Variants in ITGAV observed in about 807,000 individuals in gnomAD.
The protein encoded by ITGAV is integrin subunit alpha V.
Under a neutral mutation model 143.8 loss-of-function variants are expected in ITGAV, and 76 were observed. The ratio of observed to expected loss-of-function variants is 0.53; its 90% CI spans 0.44 to 0.64. The LOEUF (loss-of-function observed/expected upper bound fraction) is 0.64. ITGAV is among the 30% of genes least tolerant of loss of function. The pLI, the probability that ITGAV is intolerant of heterozygous loss-of-function variation, is 0.00. For missense variants in ITGAV, 1,193 were observed against 1,274.7 expected (o/e 0.94, Z 0.98); for synonymous variants, 453 against 446.7 (o/e 1.01, Z -0.18).
At chr2:186,654,068 G>C (rs1367947361) in intron 15 of ITGAV, among the ~76,000 whole-genome samples, 4 of 151,988 alleles carry the variant, frequency 2.6e-5, no homozygotes, top group African/African-American at 7.2e-5. Flanking sequence ...AGGCACAGTG[G>C]CTCACTGTAA....
At chr2:186,633,130 CTT>C (rs370673058) in intron 5 of ITGAV, among the ~76,000 whole-genome samples, 197 bp from the exon 6 acceptor site, 49 of 145,390 alleles carry the variant, frequency 3.4e-4, no homozygotes, top group African/African-American at 1.2e-3. Context: ...TAAGGGAAGA[CTT>C]TGTCTCTACA....
At position 186,675,807 on chromosome 2, in the gene ITGAV, T is replaced by G. The variant is rs1271096406; in HGVS notation, c.2821-13T>G. ...GATATCTGGGAAATCATCTAATTGT[T>G]ATTTCCAAACAGAAAGAAAATCAGA... On this transcript the variant is annotated splice_polypyrimidine_tract_variant and intron_variant, in intron 27 of 29. Coordinates refer to ENST00000261023, the MANE Select transcript of ITGAV (RefSeq NM_002210.5). 2 of 1,570,266 alleles carry G rather than the reference T, an allele frequency of 1.3e-6. No individual in the cohort carries two copies. The highest frequency in any genetic ancestry group is 2.3e-5 in the South Asian group (2 of 88,814).
intron 10 of ITGAV, among the ~76,000 whole-genome samples, chr2:186,639,249 T>C (rs1047618630): frequency 1.3e-5 from 2 of 152,192 alleles, no homozygotes. Flanking sequence ...TGAATAAACA[T>C]TTAAACAGTA....
chr2:186,638,702 A>G (rs892372492), intron 10 of ITGAV, among the ~76,000 whole-genome samples: 5 of 146,716 alleles, frequency 3.4e-5, no homozygotes, highest in Non-Finnish European at 6.0e-5. Context: ...TTTACTCTGT[A>G]TTTTTCATTT....
chr2:186,660,763 C>A (rs1688723619), intron 18 of ITGAV, among the ~76,000 whole-genome samples: 1 of 152,102 alleles, frequency 6.6e-6, no homozygotes, highest in Non-Finnish European at 1.5e-5. Context: ...GCTTAAACAA[C>A]AGAAATTGAT....
At chr2:186,595,101 CTG>C (rs1208434004) in intron 1 of ITGAV, among the ~76,000 whole-genome samples, 18 of 152,142 alleles carry the variant, frequency 1.2e-4, no homozygotes, top group Non-Finnish European at 1.5e-4. Flanking sequence ...AAATCTGAAA[CTG>C]GAATTGTAGC....
chr2:186,659,748 A>AT (rs1296012288), intron 18 of ITGAV, among the ~76,000 whole-genome samples: 32 of 134,622 alleles, frequency 2.4e-4, no homozygotes, highest in Admixed American at 8.8e-4. Flanking sequence ...TTAGTTTATC[A>AT]TTTTTTTTTT....
At position 186,616,604 on chromosome 2, in the gene ITGAV, G is replaced by A. The variant is rs114971116; in HGVS notation, c.317-5735G>A. 9.4e-3 allele frequency among the ~76,000 whole-genome samples: 1,427 copies of A among 152,152 alleles called. 22 individuals are homozygous for A. The highest frequency in any genetic ancestry group is 0.032 in the African/African-American group (1,349 of 41,544). On this transcript the variant is annotated intron_variant, in intron 2 of 29. Coordinates refer to ENST00000261023, the MANE Select transcript of ITGAV (RefSeq NM_002210.5). Reference sequence around the variant, plus strand: ...ATATACCTTATTTCAAAATAGCATTGGGTTACAAATAAATGCATGATAACA... The same window carrying A: ...ATATACCTTATTTCAAAATAGCATTAGGTTACAAATAAATGCATGATAACA...
chr2:186,639,433 CTGCAGTTGACAGGCAGTTAGGGT>C (rs968763090), intron 10 of ITGAV, among the ~76,000 whole-genome samples: 6 of 152,134 alleles, frequency 3.9e-5, no homozygotes, highest in Non-Finnish European at 5.9e-5. Context: ...CTGGAGGGCC[CTGCAGTTGACAGGCAGTTAGGGT>C]TGCTGCAGGG....
chr2:186,676,197 C>T (rs1056332380), intron 28 of ITGAV: 17 of 271,928 alleles, frequency 6.3e-5, no homozygotes, highest in Non-Finnish European at 6.8e-6. Flanking sequence ...TAGGAATTTT[C>T]GTTTACAAAG....
rs2105706977 is a variant in ITGAV, at chr2:186,638,334, A to G, written c.846+14A>G. 1 of 1,612,948 alleles carries G rather than the reference A, an allele frequency of 6.2e-7. No homozygotes were observed. ...ACTTTGGGAATGGTAGGACAGTTAA[A>G]AGGTATTTTTTAAAAAATCTCTAAG... On this transcript the variant is annotated intron_variant, in intron 9 of 29. Coordinates refer to ENST00000261023, the MANE Select transcript of ITGAV (RefSeq NM_002210.5).
At chr2:186,662,683 G>A (rs756085877) in intron 18 of ITGAV, among the ~76,000 whole-genome samples, 4 of 152,096 alleles carry the variant, frequency 2.6e-5, no homozygotes, top group Non-Finnish European at 5.9e-5. Flanking sequence ...ATACATTCTG[G>A]ATTTTGAAGA....
intron 12 of ITGAV, among the ~76,000 whole-genome samples, chr2:186,646,145 C>T (rs1688250708): frequency 6.6e-6 from 1 of 152,202 alleles, no homozygotes; most frequent in South Asian, 2.1e-4. Context: ...AAATGTTATT[C>T]ATTTATCTTC....
intron 2 of ITGAV, among the ~76,000 whole-genome samples, chr2:186,611,587 C>T (rs1444482659): frequency 6.6e-6 from 1 of 152,154 alleles, no homozygotes; most frequent in South Asian, 2.1e-4. Flanking sequence ...ATTGCTGTCT[C>T]TCTTGTTCTT....
At chr2:186,665,386 A>G (rs1211923079) in intron 21 of ITGAV, among the ~76,000 whole-genome samples, 168 bp downstream of exon 21, 1 of 152,232 alleles carries the variant, frequency 6.6e-6, no homozygotes, top group African/African-American at 2.4e-5. Context: ...TTTAACTAAG[A>G]TACGAAAACA....
intron 11 of ITGAV, 127 bp downstream of exon 11, chr2:186,641,094 A>G (rs1050217889): frequency 2.8e-5 from 22 of 780,030 alleles, no homozygotes; most frequent in Admixed American, 2.5e-4. Flanking sequence ...TTAAGGAAAC[A>G]ATTTGAAGCA....
chr2:186,600,186 C>A, intron 1 of ITGAV: 1 of 679,968 alleles, frequency 1.5e-6, no homozygotes, highest in Non-Finnish European at 2.5e-6. Flanking sequence ...GGCTTGTCCC[C>A]TCCTTCAGCC....
At chr2:186,664,026 G>C (rs1688820890) in intron 19 of ITGAV, among the ~76,000 whole-genome samples, 191 bp downstream of exon 19, 1 of 152,010 alleles carries the variant, frequency 6.6e-6, no homozygotes, top group Admixed American at 6.6e-5. Flanking sequence ...TAGTTGCCTA[G>C]GTTGAAAGAG....
intron 25 of ITGAV, 80 bp from the exon 26 acceptor site, chr2:186,669,621 C>A: frequency 2.2e-6 from 2 of 929,730 alleles, no homozygotes; most frequent in Non-Finnish European, 1.7e-6. Flanking sequence ...TTAATCATAT[C>A]TAAGAGTTTA....
Sources: allele counts gnomAD v4.1 joint callset (sites outside exome capture counted in the v4.1 genomes callset), GRCh38; gene constraint gnomAD v4.1.1; transcripts MANE v1.5; gene names NCBI Gene and HGNC (gene_info 2026-07-23, HGNC 2026-07-21).